EXO1: variants seen among roughly 807,000 people sequenced by gnomAD.
EXO1 encodes exonuclease 1.
EXO1 carries 69 observed loss-of-function variants against 84.5 expected under a neutral mutation model. The observed-to-expected ratio is 0.82, with a 90% CI of 0.67 to 1.00. EXO1 has a LOEUF of 1.00. EXO1 is among the 50% of genes least tolerant of loss of function. The probability of loss-of-function intolerance (pLI) is 0.00; values close to 1 mark genes in which losing one functional copy is unlikely to be tolerated. For missense variants in EXO1, 1,045 were observed against 1,000.7 expected (o/e 1.04, Z -0.60); for synonymous variants, 373 against 366.1 (o/e 1.02, Z -0.21).
intron 14 of EXO1, among the ~76,000 whole-genome samples, chr1:241,884,854 T>C (rs1452578224): frequency 6.6e-6 from 1 of 152,236 alleles, no homozygotes; most frequent in Non-Finnish European, 1.5e-5. Context: ...ACTTCTGTAA[T>C]AGACTTTTAT....
chr1:241,867,461 A>G (rs1242709789), intron 11 of EXO1, among the ~76,000 whole-genome samples: 1 of 151,960 alleles, frequency 6.6e-6, no homozygotes, highest in Non-Finnish European at 1.5e-5. Context: ...CCCTCCCACA[A>G]CACATAGGAA....
intron 10 of EXO1, among the ~76,000 whole-genome samples, chr1:241,864,027 G>A (rs534568328): frequency 1.3e-5 from 2 of 152,008 alleles, no homozygotes; most frequent in South Asian, 4.2e-4. Context: ...TTTTTTGAAC[G>A]TTTTCTTCCG....
intron 3 of EXO1, among the ~76,000 whole-genome samples, chr1:241,850,197 C>T (rs1660578158): frequency 6.6e-6 from 1 of 151,712 alleles, no homozygotes; most frequent in Non-Finnish European, 1.5e-5. Flanking sequence ...AGGAGAATGG[C>T]GTGAACCCGG....
intron 13 of EXO1, 31 bp from the exon 14 acceptor site, chr1:241,881,880 CTAATT>C: frequency 9.4e-7 from 1 of 1,068,196 alleles, no homozygotes. Context: ...CAGTAAAAAT[CTAATT>C]TTATTTTATT....
Position 241,889,608 on chromosome 1 carries a change from C to T in EXO1, c.*8C>T, listed in dbSNP as rs762634823. ...AGAGCAATATTCCAGTAAATGCAGA[C>T]TGCTGCAAAGCTTTTGCCTGCAAGA... On this transcript the variant is annotated 3_prime_UTR_variant, in exon 16 of 16. Transcript: ENST00000366548. The T allele has an allele frequency of 3.7e-6, 6 of 1,613,838 alleles. No homozygotes were observed. In the Admixed American group the frequency reaches 1.0e-4, roughly 27 times the overall value.
At chr1:241,866,788 A>T (rs947363952) in intron 10 of EXO1, 42 bp from the exon 11 acceptor site, 5 of 1,376,468 alleles carry the variant, frequency 3.6e-6, no homozygotes, top group Non-Finnish European at 5.2e-6. Flanking sequence ...TAAATTGATT[A>T]TTTTCTTTCT....
At chr1:241,852,619 G>A (rs1429020500) in intron 5 of EXO1, among the ~76,000 whole-genome samples, 2 of 152,188 alleles carry the variant, frequency 1.3e-5, no homozygotes, top group East Asian at 1.9e-4. Flanking sequence ...AAGAGCCACT[G>A]TACTCCAGCC....
At chr1:241,874,511 A>C (rs1023932803) in intron 12 of EXO1, among the ~76,000 whole-genome samples, 6 of 152,236 alleles carry the variant, frequency 3.9e-5, no homozygotes, top group African/African-American at 1.4e-4. Flanking sequence ...AGTGGGCTGA[A>C]GAGGGCCACA....
chr1:241,868,587 G>A lies in EXO1; in HGVS notation c.1267+1532G>A, dbSNP rs142860260. On this transcript the variant is annotated intron_variant, in intron 11 of 15. Transcript: ENST00000366548. ...GGAGGCTGAGGTGGGAGGATCGCTCGAGCCTCAGAGTTGGAGGCTGCAGTG... is the reference window on the plus strand; with the variant it reads ...GGAGGCTGAGGTGGGAGGATCGCTCAAGCCTCAGAGTTGGAGGCTGCAGTG... 7.7e-3 allele frequency among the ~76,000 whole-genome samples: 1,172 copies of A among 152,224 alleles called. 18 individuals are homozygous for A. Among genetic ancestry groups the A allele is most frequent in the African/African-American group, 0.027 (1,114 of 41,532 alleles).
At chr1:241,882,379 T>C (rs1662823466) in intron 14 of EXO1, among the ~76,000 whole-genome samples, 1 of 152,168 alleles carries the variant, frequency 6.6e-6, no homozygotes, top group African/African-American at 2.4e-5. Context: ...GACATGTTCT[T>C]GATTAGTTTG....
chr1:241,872,370 T>C, intron 12 of EXO1, 92 bp downstream of exon 12: 1 of 1,400,336 alleles, frequency 7.1e-7, no homozygotes, highest in South Asian at 1.2e-5. Context: ...ATTTATTTAT[T>C]ATACTTTAAG....
At chr1:241,858,400 A>G in intron 7 of EXO1, 106 bp from the exon 8 acceptor site, 1 of 723,090 alleles carries the variant, frequency 1.4e-6, no homozygotes, top group Non-Finnish European at 2.5e-6. Flanking sequence ...CCTGTCTTTC[A>G]GTGTTATGGT....
chr1:241,879,534 T>C (rs966578741), intron 13 of EXO1, among the ~76,000 whole-genome samples, 191 bp downstream of exon 13: 1 of 152,220 alleles, frequency 6.6e-6, no homozygotes, highest in Non-Finnish European at 1.5e-5. Context: ...CATTTTAAAC[T>C]GCAATACATT....
At chr1:241,862,455 A>T (rs1371369450) in intron 10 of EXO1, among the ~76,000 whole-genome samples, 1 of 152,200 alleles carries the variant, frequency 6.6e-6, no homozygotes, top group East Asian at 1.9e-4. Context: ...CCAACCACAG[A>T]ATTCTCACTG....
chr1:241,863,743 A>G (rs1776137), intron 10 of EXO1, among the ~76,000 whole-genome samples: 99,772 of 152,132 alleles, frequency 0.66, 33,764 homozygotes, highest in African/African-American at 0.82. Flanking sequence ...ACCTTGCTCC[A>G]TGTAATACGG....
At chr1:241,864,424 TG>T (rs1229492027) in intron 10 of EXO1, among the ~76,000 whole-genome samples, 1 of 152,240 alleles carries the variant, frequency 6.6e-6, no homozygotes, top group Non-Finnish European at 1.5e-5. Context: ...TTCAGACAAA[TG>T]AATCTATCTT....
chr1:241,884,998 G>C (rs919986527), intron 14 of EXO1, among the ~76,000 whole-genome samples: 2 of 152,068 alleles, frequency 1.3e-5, no homozygotes, highest in African/African-American at 4.8e-5. Flanking sequence ...ACAAGGTCAG[G>C]AGATCGAGAC....
Position 241,874,620 on chromosome 1 carries a change from C to T in EXO1, c.1514+2342C>T, listed in dbSNP as rs182674040. On this transcript the variant is annotated intron_variant, in intron 12 of 15. Coordinates refer to ENST00000366548, the MANE Select transcript of EXO1 (RefSeq NM_130398.4). ...TAATTTGTGGATTAGGAATTTAGAA[C>T]CTGGAGTCAGGCTTCCTGGAATCTT... Among the ~76,000 whole-genome samples, 16 of 152,296 alleles carry T rather than the reference C, an allele frequency of 1.1e-4. 1 individual carries two copies. The East Asian group carries it at 3.1e-3, about 29-fold the overall frequency.
chr1:241,871,414 C>G (rs1365860353), intron 11 of EXO1, among the ~76,000 whole-genome samples: 1 of 152,192 alleles, frequency 6.6e-6, no homozygotes, highest in Non-Finnish European at 1.5e-5. Flanking sequence ...TTAGTGCTGT[C>G]TCTATGTACT....
Sources: gnomAD v4.1 joint callset for allele counts (sites outside exome capture counted in the v4.1 genomes callset) on GRCh38, gnomAD v4.1.1 for gene constraint, MANE v1.5 for transcripts, NCBI Gene and HGNC (gene_info 2026-07-23, HGNC 2026-07-21) for gene names.